Variants in MYO10 observed in about 807,000 individuals in gnomAD.
The protein encoded by MYO10 is unconventional myosin-X.
In MYO10, 133 loss-of-function variants were observed where a neutral mutation model predicts 257.3. That is an observed-to-expected ratio of 0.52 (90% CI 0.45 to 0.60). MYO10 has a LOEUF of 0.60. Ranked by LOEUF, MYO10 falls within the 20% of genes least tolerant of loss-of-function variation. MYO10 has a pLI of 0.00. For synonymous variants in MYO10, 1,104 were observed against 1,028.6 expected (o/e 1.07, Z -1.40); for missense variants, 2,399 against 2,635.7 (o/e 0.91, Z 1.97).
chr5:16,874,477 G>T (rs1411791727), intron 2 of MYO10, among the ~76,000 whole-genome samples: 1 of 150,904 alleles, frequency 6.6e-6, no homozygotes, highest in East Asian at 2.0e-4. Flanking sequence ...TTGCTGCTTA[G>T]AAATTTCTTC....
chr5:16,897,021 G>A (rs1362200813), intron 1 of MYO10, among the ~76,000 whole-genome samples: 1 of 152,088 alleles, frequency 6.6e-6, no homozygotes, highest in Non-Finnish European at 1.5e-5. Flanking sequence ...CAGGCAGGCA[G>A]GAAGGAAGGA....
intron 19 of MYO10, among the ~76,000 whole-genome samples, chr5:16,732,915 C>G (rs962010365): frequency 1.3e-5 from 2 of 152,180 alleles, no homozygotes. Flanking sequence ...GCGCAGATCA[C>G]TTGAGGTCAG....
chr5:16,793,150 A>G (rs1486908426), intron 4 of MYO10, among the ~76,000 whole-genome samples: 1 of 152,110 alleles, frequency 6.6e-6, no homozygotes, highest in African/African-American at 2.4e-5. Flanking sequence ...GCCTCCACGG[A>G]AACCTCACTA....
At position 16,700,978 on chromosome 5, in the gene MYO10, C is replaced by G; in HGVS notation, c.3417G>C (p.Glu1139Asp). Residue 1139 changes from glutamate to aspartate, a missense_variant, in exon 25 of 41, where the codon GAG becomes GAC. By Grantham distance (45) the Glu-to-Asp change is conservative (BLOSUM62 2). Transcript: ENST00000513610. ...AGGTACTTACCGAGGACTGCGCCCCCTCAGAGCTGAACCGGTAGGCACCCG... is the reference window on the plus strand; with the variant it reads ...AGGTACTTACCGAGGACTGCGCCCCGTCAGAGCTGAACCGGTAGGCACCCG... Reference protein sequence around the residue: ...NSSGAYRFSSEGAQSSFEDSE... With the variant: ...NSSGAYRFSSDGAQSSFEDSE... The G allele has an allele frequency of 1.9e-6, 3 of 1,557,160 alleles. No homozygotes were observed. The highest frequency in any genetic ancestry group is 2.4e-5 in the East Asian group (1 of 41,320).
chr5:16,871,108 T>C (rs1464873892), intron 2 of MYO10, among the ~76,000 whole-genome samples: 1 of 152,182 alleles, frequency 6.6e-6, no homozygotes, highest in East Asian at 1.9e-4. Flanking sequence ...TGTGCAACCA[T>C]CACCAGCATC....
rs1174163651 is a variant in MYO10, at chr5:16,668,474, G to A, written c.5884-6C>T. On this transcript the variant is annotated splice_polypyrimidine_tract_variant and splice_region_variant and intron_variant, in intron 39 of 40. Transcript: ENST00000513610. Reference sequence around the variant, plus strand: ...GGGAAGCCACCTTCCTTGCACTGGTGGGCAAGAGTCAACAGAAGAGTTAAG... The same window carrying A: ...GGGAAGCCACCTTCCTTGCACTGGTAGGCAAGAGTCAACAGAAGAGTTAAG... 7 of 1,594,232 alleles carry A rather than the reference G, an allele frequency of 4.4e-6. No individual in the cohort carries two copies. Among genetic ancestry groups the A allele is most frequent in the South Asian group, 1.1e-5 (1 of 87,706 alleles).
intron 4 of MYO10, among the ~76,000 whole-genome samples, chr5:16,792,049 A>C (rs772401822): frequency 1.3e-5 from 2 of 151,772 alleles, no homozygotes; most frequent in African/African-American, 2.4e-5. Flanking sequence ...GTTAGACTTT[A>C]GGTAACGAGA....
At chr5:16,674,608 T>C (rs1330904126) in intron 35 of MYO10, among the ~76,000 whole-genome samples, 1 of 151,410 alleles carries the variant, frequency 6.6e-6, no homozygotes, top group Non-Finnish European at 1.5e-5. Flanking sequence ...AATTAATTGA[T>C]CCAATGTCCT....
chr5:16,720,264 G>A (rs886532132), intron 19 of MYO10, among the ~76,000 whole-genome samples: 3 of 152,010 alleles, frequency 2.0e-5, no homozygotes, highest in Non-Finnish European at 4.4e-5. Flanking sequence ...GCATCACACC[G>A]ACAGTAAGTC....
chr5:16,664,736 A>T lies in MYO10; in HGVS notation c.*1956T>A, dbSNP rs929873079. On this transcript the variant is annotated 3_prime_UTR_variant, in exon 41 of 41. Transcript: ENST00000513610. ...GCACACTTTGGGGCTGACATAGGGG[A>T]CTGTCTGACATAAACACATTTCAAG... 1 of 152,164 alleles carries T rather than the reference A, an allele frequency of 6.6e-6. No homozygotes were observed. Among genetic ancestry groups the T allele is most frequent in the Non-Finnish European group, 1.5e-5 (1 of 68,046 alleles). The allele number at this position is 152,164 out of a possible 1,614,324, so 9.4% of individuals were successfully genotyped here.
rs182541374 is a variant in MYO10 at position 16,758,314 on chromosome 5, A to G, written c.1740-88T>C. The G allele has an allele frequency of 4.9e-5, 46 of 938,352 alleles. No homozygotes were observed. The Admixed American group carries it at 5.5e-4, about 11-fold the overall frequency. The allele number at this position is 938,352 out of a possible 1,614,324, so 58.1% of individuals were successfully genotyped here. ...TTGTAATTAATGGTGCCCTTTCTCA[A>G]TGATAATTCAAAGTAATACACCCTA... is the stretch of plus-strand genomic sequence containing the variant. On this transcript the variant is annotated intron_variant, in intron 17 of 40. Coordinates refer to ENST00000513610, the MANE Select transcript of MYO10 (RefSeq NM_012334.3).
chr5:16,675,263 C>A, intron 34 of MYO10, 113 bp from the exon 35 acceptor site: 1 of 1,009,600 alleles, frequency 9.9e-7, no homozygotes, highest in South Asian at 1.4e-5. Flanking sequence ...GGATGCAATG[C>A]CCACCACACT....
At chr5:16,808,404 T>C (rs1453301654) in intron 3 of MYO10, among the ~76,000 whole-genome samples, 1 of 152,132 alleles carries the variant, frequency 6.6e-6, no homozygotes, top group Non-Finnish European at 1.5e-5. Flanking sequence ...GCCCAGGAGT[T>C]GGAGGCTGTG....
In MYO10 at chr5:16,672,669, A is replaced by G. The variant is rs369284302; in HGVS notation, c.5309+20T>C. 3 of 1,613,694 alleles carry G rather than the reference A, an allele frequency of 1.9e-6. No individual in the cohort carries two copies. Among genetic ancestry groups the G allele is most frequent in the Non-Finnish European group, 2.5e-6 (3 of 1,179,756 alleles). On this transcript the variant is annotated intron_variant, in intron 37 of 40. Coordinates refer to ENST00000513610, the MANE Select transcript of MYO10 (RefSeq NM_012334.3). ...TTTCTCTTATTTGCTCTTCTGACAC[A>G]GTAGGGAAAAGGAACCTACTTTTCA... is the stretch of plus-strand genomic sequence containing the variant.
At chr5:16,876,928 T>C (rs754613203) in intron 2 of MYO10, among the ~76,000 whole-genome samples, 7 of 152,102 alleles carry the variant, frequency 4.6e-5, no homozygotes, top group Non-Finnish European at 8.8e-5. Flanking sequence ...GCTGTTAGGG[T>C]CTTTGGCAGG....
At chr5:16,816,149 T>C in intron 3 of MYO10, among the ~76,000 whole-genome samples, 1 of 151,744 alleles carries the variant, frequency 6.6e-6, no homozygotes, top group Non-Finnish European at 1.5e-5. Flanking sequence ...GAGACCATCC[T>C]GACCAACATG....
intron 1 of MYO10, among the ~76,000 whole-genome samples, chr5:16,882,447 T>A (rs1476884723): frequency 6.6e-6 from 1 of 151,398 alleles, no homozygotes; most frequent in Non-Finnish European, 1.5e-5. Context: ...TTAAGTCTTG[T>A]GTGCAAATAT....
Position 16,856,070 on chromosome 5 carries a change from C to T in MYO10, c.120+21539G>A, listed in dbSNP as rs539903998. On this transcript the variant is annotated intron_variant, in intron 2 of 40. Transcript: ENST00000513610. ...CCACGAGCTGAATTTACAAATGGAA[C>T]AGTATTGTTTTCTGTGAGATTGCAC... Among the ~76,000 whole-genome samples the T allele has an allele frequency of 7.9e-5, 12 of 152,300 alleles. No homozygotes were observed. The South Asian group carries it at 2.5e-3, about 32-fold the overall frequency.
Position 16,780,606 on chromosome 5 carries a change from G to T in MYO10, c.744C>A (p.Asn248Lys). The T allele has an allele frequency of 1.3e-6, 2 of 1,572,852 alleles. No individual in the cohort carries two copies. Among genetic ancestry groups the T allele is most frequent in the Non-Finnish European group, 1.7e-6 (2 of 1,156,570 alleles). ...GRIVDYLLEK[N>K]RVVRQNPGER... The stretch of plus-strand genomic sequence containing the variant: ...CCCCGGGATTTTGCCTTACTACTCG[G>T]TTCTGGGAAGATAAATCAGATTTAT... The change falls in exon 8 of 41, where the codon AAC becomes AAA. Residue 248 changes from asparagine to lysine, a missense_variant and splice_region_variant. Coordinates refer to ENST00000513610, the MANE Select transcript of MYO10 (RefSeq NM_012334.3).
Sources: allele counts gnomAD v4.1 joint callset (sites outside exome capture counted in the v4.1 genomes callset), GRCh38; gene constraint gnomAD v4.1.1; transcripts MANE v1.5; gene names NCBI Gene and HGNC (gene_info 2026-07-23, HGNC 2026-07-21).